The following PTPRQ variants were observed in gnomAD, a reference collection of about 807,000 sequenced individuals.
PTPRQ encodes protein tyrosine phosphatase receptor type Q.
Under a neutral mutation model 246.0 loss-of-function variants are expected in PTPRQ, and 199 were observed. The observed-to-expected ratio is 0.81, with a 90% CI of 0.72 to 0.91. The LOEUF is 0.91. Ranked by LOEUF, PTPRQ falls within the 40% of genes least tolerant of loss-of-function variation. PTPRQ has a pLI of 0.00. For missense variants in PTPRQ, 2,624 were observed against 2,528.4 expected (o/e 1.04, Z -0.81); for synonymous variants, 869 against 853.2 (o/e 1.02, Z -0.32).
chr12:80,470,309 A>G (rs1479211400), intron 7 of PTPRQ, among the ~76,000 whole-genome samples: 1 of 152,084 alleles, frequency 6.6e-6, no homozygotes, highest in East Asian at 1.9e-4. Flanking sequence ...TGTAAGGCAG[A>G]GTATATGGGT....
rs1209064678 is a variant in PTPRQ, at chr12:80,496,054, A to C, written c.1938A>C (p.Gly646=). 2.3e-5 allele frequency: 35 copies of C among 1,550,176 alleles called. No individual in the cohort carries two copies. The highest frequency in any genetic ancestry group is 3.1e-5 in the Non-Finnish European group (35 of 1,146,298). The stretch of plus-strand genomic sequence containing the variant: ...GAGTGGCAGCCTCAACCCACGTTGG[A>C]GAAAGTTCTTTGTCTGAAGAAAATG... ...KMRVAASTHV[G]ESSLSEENDI... The change falls in exon 13 of 45, where the codon GGA becomes GGC. Residue 646 remains glycine (G), a synonymous_variant. Transcript: ENST00000644991.
intron 3 of PTPRQ, among the ~76,000 whole-genome samples, chr12:80,456,963 G>A (rs1227069665): frequency 2.0e-5 from 3 of 152,184 alleles, no homozygotes; most frequent in Non-Finnish European, 2.9e-5. Context: ...GTTAAGCCAA[G>A]GTTATGATTC....
At chr12:80,482,658 TG>T (rs1378354211) in intron 8 of PTPRQ, among the ~76,000 whole-genome samples, 1 of 151,196 alleles carries the variant, frequency 6.6e-6, no homozygotes, top group Non-Finnish European at 1.5e-5. Context: ...GAATCTGCAA[TG>T]AACTCAAACA....
chr12:80,472,079 C>A (rs897501403), intron 7 of PTPRQ, 26 bp from the exon 8 acceptor site: 21 of 1,550,252 alleles, frequency 1.4e-5, no homozygotes, highest in Non-Finnish European at 1.8e-5. Flanking sequence ...AAAAAATAAT[C>A]CATAGCTATC....
At chr12:80,492,094 T>C (rs1238751459) in intron 9 of PTPRQ, among the ~76,000 whole-genome samples, 2 of 151,878 alleles carry the variant, frequency 1.3e-5, no homozygotes, top group Non-Finnish European at 2.9e-5. Flanking sequence ...TTTTGGAAAA[T>C]TTTGAACAGG....
chr12:80,604,734 T>C (rs1043634568), intron 26 of PTPRQ, among the ~76,000 whole-genome samples: 1 of 151,548 alleles, frequency 6.6e-6, no homozygotes, highest in African/African-American at 2.4e-5. Context: ...GTTAACTGTT[T>C]TAAAATAAAA....
Position 80,552,457 on chromosome 12 carries a change from G to A in PTPRQ, c.4285+2723G>A, listed in dbSNP as rs533880914. Among the ~76,000 whole-genome samples, 34 of 151,532 alleles carry A rather than the reference G, an allele frequency of 2.2e-4. 1 individual carries two copies. The East Asian group carries it at 6.6e-3, about 29-fold the overall frequency. ...ACAAGGCAGGAGATACTAGGTTGGT[G>A]CAAAAGTAACTGCAGTTTTTGCCAT... On this transcript the variant is annotated intron_variant, in intron 25 of 44. Coordinates refer to ENST00000644991, the MANE Select transcript of PTPRQ (RefSeq NM_001145026.2).
In PTPRQ at chr12:80,446,178, T is replaced by C. The variant is rs144515164; in HGVS notation, c.390+461T>C. Among the ~76,000 whole-genome samples the C allele has an allele frequency of 4.2e-3, 635 of 151,504 alleles. 3 individuals are homozygous for C. The highest frequency in any genetic ancestry group is 0.014 in the African/African-American group (599 of 41,412). ...AGTAAAAAGGGCAATAAATCTGTTATACAATTTACGTATGAAAATTGTATA... is the reference window on the plus strand; with the variant it reads ...AGTAAAAAGGGCAATAAATCTGTTACACAATTTACGTATGAAAATTGTATA... On this transcript the variant is annotated intron_variant, in intron 3 of 44. Coordinates refer to ENST00000644991, the MANE Select transcript of PTPRQ (RefSeq NM_001145026.2).
intron 17 of PTPRQ, among the ~76,000 whole-genome samples, chr12:80,529,398 T>C (rs1228277222): frequency 6.6e-6 from 1 of 152,184 alleles, no homozygotes; most frequent in Admixed American, 6.6e-5. Flanking sequence ...GGGTAGATTA[T>C]GCACATGGAA....
Position 80,510,218 on chromosome 12 carries a change from A to T in PTPRQ, c.2558-105A>T, listed in dbSNP as rs915130275. On this transcript the variant is annotated intron_variant, in intron 16 of 44. Transcript: ENST00000644991. ...CTTCTGGAGAAAAGCACTGAACCTA[A>T]TTCCTTTACCAGAAAGTTTATAATA... 4 of 1,192,420 alleles carry T rather than the reference A, an allele frequency of 3.4e-6. No homozygotes were observed. In the African/African-American group the frequency reaches 4.7e-5, roughly 14 times the overall value. The allele number at this position is 1,192,420 out of a possible 1,614,324, so 73.9% of individuals were successfully genotyped here. A position where few individuals can be genotyped will look rare whatever the true frequency, so the allele number is the denominator to read the frequency against.
At chr12:80,447,864 G>T (rs1324892528) in intron 3 of PTPRQ, among the ~76,000 whole-genome samples, 2 of 151,988 alleles carry the variant, frequency 1.3e-5, no homozygotes, top group Non-Finnish European at 2.9e-5. Context: ...TTTTGCTTAG[G>T]ATTGCTTTCA....
rs375728354 is a variant in PTPRQ, at chr12:80,523,584, C to T, written c.2679-10431C>T. The stretch of plus-strand genomic sequence containing the variant: ...GTTGTGTCTTTGTTCTCATTGGTTT[C>T]AAAGAACATCTTTATTTCTGCCTTC... On this transcript the variant is annotated intron_variant, in intron 17 of 44. Coordinates refer to ENST00000644991, the MANE Select transcript of PTPRQ (RefSeq NM_001145026.2). 4.6e-5 allele frequency among the ~76,000 whole-genome samples: 7 copies of T among 152,290 alleles called. No homozygotes were observed. In the East Asian group the frequency reaches 1.2e-3, roughly 25 times the overall value.
At chr12:80,449,803 G>A (rs1317756470) in intron 3 of PTPRQ, among the ~76,000 whole-genome samples, 2 of 152,198 alleles carry the variant, frequency 1.3e-5, no homozygotes, top group Non-Finnish European at 2.9e-5. Context: ...TTAAAGTCAG[G>A]TAGTGTGATG....
chr12:80,576,276 G>A (rs559030370), intron 25 of PTPRQ, among the ~76,000 whole-genome samples: 15 of 151,938 alleles, frequency 9.9e-5, no homozygotes, highest in African/African-American at 2.9e-4. Context: ...TGAGTAGCTG[G>A]GACTATAGGC....
At chr12:80,534,539 A>T (rs969957942) in intron 18 of PTPRQ, among the ~76,000 whole-genome samples, 3 of 152,026 alleles carry the variant, frequency 2.0e-5, no homozygotes, top group Non-Finnish European at 4.4e-5. Context: ...TATGACTTTT[A>T]TTATTCAATA....
At chr12:80,583,007 C>G (rs1897494394) in intron 25 of PTPRQ, among the ~76,000 whole-genome samples, 2 of 152,208 alleles carry the variant, frequency 1.3e-5, no homozygotes, top group South Asian at 4.1e-4. Context: ...TCCCATTCAT[C>G]TCCTTGTAGA....
rs552539608 is a variant in PTPRQ, at chr12:80,452,547, T to C, written c.391-5028T>C. On this transcript the variant is annotated intron_variant, in intron 3 of 44. Coordinates refer to ENST00000644991, the MANE Select transcript of PTPRQ (RefSeq NM_001145026.2). ...TTTAGTGCTTCCTTCAGGAGCTCTT[T>C]TAGGGCAGGCCTGGTGGTGACAAAA... 3.2e-4 allele frequency among the ~76,000 whole-genome samples: 49 copies of C among 152,334 alleles called. No individual in the cohort carries two copies. In the South Asian group the frequency reaches 9.9e-3, roughly 31 times the overall value.
In PTPRQ at chr12:80,468,765, T is replaced by G. The variant is rs1228494450; in HGVS notation, c.966T>G (p.Phe322Leu). Reference protein sequence around the residue: ...CVTGNITGKSFSILWDPPTIV... With the variant: ...CVTGNITGKSLSILWDPPTIV... ...CAGGCAACATCACAGGAAAGTCCTTTTCAATTTTATGGGACCCACCAACTA... is the reference window on the plus strand; with the variant it reads ...CAGGCAACATCACAGGAAAGTCCTTGTCAATTTTATGGGACCCACCAACTA... Residue 322 changes from phenylalanine (F) to leucine (L), a missense_variant, in exon 7 of 45, where the codon TTT becomes TTG. Transcript: ENST00000644991. 6 of 1,550,302 alleles carry G rather than the reference T, an allele frequency of 3.9e-6. No homozygotes were observed. Among genetic ancestry groups the G allele is most frequent in the East Asian group, 2.5e-5 (1 of 40,806 alleles).
At position 80,673,408 on chromosome 12, in the gene PTPRQ, CCTT is replaced by C. The variant is rs1209239917; in HGVS notation, c.6738+108_6738+110del. 3.5e-6 allele frequency: 5 copies of C among 1,444,008 alleles called. No individual in the cohort carries two copies. The Admixed American group carries it at 1.1e-4, about 33-fold the overall frequency. The allele number at this position is 1,444,008 out of a possible 1,614,324, so 89.4% of individuals were successfully genotyped here. A position where few individuals can be genotyped will look rare whatever the true frequency, so the allele number is the denominator to read the frequency against. The stretch of plus-strand genomic sequence containing the variant: ...GGACATGAGCTTGAAGCTGTGGACA[CCTT>C]CTTTTCCTACATTATAAGCCTTTTG... On this transcript the variant is annotated intron_variant, in intron 43 of 44. Coordinates refer to ENST00000644991, the MANE Select transcript of PTPRQ (RefSeq NM_001145026.2).
Sources: allele counts gnomAD v4.1 joint callset (sites outside exome capture counted in the v4.1 genomes callset), GRCh38; gene constraint gnomAD v4.1.1; transcripts MANE v1.5; gene names NCBI Gene and HGNC (gene_info 2026-07-23, HGNC 2026-07-21).